Variants in WDR76 observed in about 807,000 individuals in gnomAD.
WDR76 encodes the protein WD repeat domain 76.
Under a neutral mutation model 70.2 loss-of-function variants are expected in WDR76, and 52 were observed. The observed-to-expected ratio is 0.74, with a 90% CI of 0.59 to 0.93. The LOEUF (loss-of-function observed/expected upper bound fraction) is 0.93. Among genes scored for constraint, WDR76 ranks in the 40% least tolerant of loss-of-function variants. The pLI is 0.00. For missense variants in WDR76, 756 were observed against 760.2 expected, an observed-to-expected ratio of 0.99 and a Z score of 0.07; for synonymous variants, 292 against 271.1, an observed-to-expected ratio of 1.08 and a Z score of -0.76.
At position 43,867,699 on chromosome 15, in the gene WDR76, A is replaced by T. The variant is rs967400356; in HGVS notation, c.*1307A>T. 3.9e-5 allele frequency: 6 copies of T among 152,132 alleles called. No homozygotes were observed. Among genetic ancestry groups the T allele is most frequent in the African/African-American group, 1.4e-4 (6 of 41,452 alleles). 9.4% of individuals were successfully genotyped at this position (152,132 alleles called of 1,614,324 possible). A position where few individuals can be genotyped will look rare whatever the true frequency, so the allele number is the denominator to read the frequency against. On this transcript the variant is annotated 3_prime_UTR_variant, in exon 13 of 13. Transcript: ENST00000263795. ...CCGAAGGAAATTCAATAGCCTGTTAAGTGAATACCTTCATTCTTACTTGTA... is the reference window on the plus strand; with the variant it reads ...CCGAAGGAAATTCAATAGCCTGTTATGTGAATACCTTCATTCTTACTTGTA...
intron 12 of WDR76, chr15:43,863,752 G>A (rs2088035481): frequency 6.6e-6 from 1 of 152,170 alleles, no homozygotes; most frequent in Non-Finnish European, 1.5e-5. Flanking sequence ...GTAGAGATGA[G>A]GACTTGCTGT....
intron 2 of WDR76, among the ~76,000 whole-genome samples, chr15:43,829,050 G>A (rs541629609): frequency 2.6e-5 from 4 of 151,298 alleles, no homozygotes; most frequent in South Asian, 2.1e-4. Flanking sequence ...TTACAGGCGC[G>A]TGCCACCACA....
intron 5 of WDR76, among the ~76,000 whole-genome samples, 195 bp downstream of exon 5, chr15:43,839,923 T>C (rs2087703905): frequency 6.6e-6 from 1 of 152,150 alleles, no homozygotes; most frequent in Admixed American, 6.6e-5. Context: ...AGTGGCATGA[T>C]CTTGCCTCAC....
chr15:43,865,949 T>A (rs1279649266), intron 12 of WDR76, among the ~76,000 whole-genome samples, 179 bp from the exon 13 acceptor site: 1 of 152,216 alleles, frequency 6.6e-6, no homozygotes, highest in African/African-American at 2.4e-5. Flanking sequence ...GGATATCGTC[T>A]CTGTCCAGAG....
chr15:43,829,499 CTTTTT>C (rs34835269), intron 2 of WDR76, among the ~76,000 whole-genome samples: 15 of 57,966 alleles, frequency 2.6e-4, no homozygotes, highest in African/African-American at 7.9e-4. Context: ...AGCATGGCCA[CTTTTT>C]TTTTTTTTTT....
At chr15:43,843,777 C>A in intron 7 of WDR76, 124 bp from the exon 8 acceptor site, 1 of 830,590 alleles carries the variant, frequency 1.2e-6, no homozygotes, top group Non-Finnish European at 1.7e-6. Context: ...CCTTGGTTAC[C>A]AGGAGATTGA....
chr15:43,865,751 G>A (rs1458819671), intron 12 of WDR76, among the ~76,000 whole-genome samples: 1 of 152,156 alleles, frequency 6.6e-6, no homozygotes, highest in Non-Finnish European at 1.5e-5. Context: ...CTATTCTAGG[G>A]GGTAAGAATT....
Position 43,851,122 on chromosome 15 carries a change from T to C in WDR76, c.1068T>C (p.Phe356=), listed in dbSNP as rs949632017. The C allele has an allele frequency of 6.2e-7, 1 of 1,614,210 alleles. No individual in the cohort carries two copies. Among genetic ancestry groups the C allele is most frequent in the Non-Finnish European group, 8.5e-7 (1 of 1,180,032 alleles). Residue 356 remains phenylalanine (F), a synonymous_variant, in exon 9 of 13, where the codon TTT becomes TTC. Transcript: ENST00000263795. ...QQPKEDGVYV[F]HPHSQPVSCL... ...CTAAAGAAGATGGAGTTTATGTTTTTCATCCCCATAGTCAGCCAGTTAGCT... is the reference window on the plus strand; with the variant it reads ...CTAAAGAAGATGGAGTTTATGTTTTCCATCCCCATAGTCAGCCAGTTAGCT...
At chr15:43,854,200 A>G (rs1338585980) in intron 9 of WDR76, among the ~76,000 whole-genome samples, 1 of 152,214 alleles carries the variant, frequency 6.6e-6, no homozygotes, top group African/African-American at 2.4e-5. Flanking sequence ...TCCTAGGTAT[A>G]CACCCAAGAG....
intron 2 of WDR76, among the ~76,000 whole-genome samples, chr15:43,829,499 CTTTTTTTTTT>C (rs34835269): frequency 3.5e-5 from 2 of 57,966 alleles, no homozygotes; most frequent in African/African-American, 5.7e-5. Context: ...AGCATGGCCA[CTTTTTTTTTT>C]TTTTTTTTTT....
rs1217271737 is a variant in WDR76, at chr15:43,828,031, T to C, written c.127T>C (p.Leu43=). 6.2e-7 allele frequency: 1 copy of C among 1,614,086 alleles called. No individual in the cohort carries two copies. The highest frequency in any genetic ancestry group is 2.2e-5 in the East Asian group (1 of 44,882). Residue 43 remains leucine, a synonymous_variant, in exon 2 of 13, where the codon TTA becomes CTA. Coordinates refer to ENST00000263795, the MANE Select transcript of WDR76 (RefSeq NM_024908.4). ...VSLRPAQTTV[L]IKTAKVYLAP... The stretch of plus-strand genomic sequence containing the variant: ...TCTGAGACCAGCACAGACTACAGTT[T>C]TAATAAAAACAGCTAAGGTCTATCT...
At chr15:43,858,998 G>T (rs1376702138) in intron 11 of WDR76, among the ~76,000 whole-genome samples, 175 bp downstream of exon 11, 1 of 152,182 alleles carries the variant, frequency 6.6e-6, no homozygotes, top group African/African-American at 2.4e-5. Context: ...CTTTTCAGCG[G>T]TTTTTGGGTC....
chr15:43,835,295 G>A (rs569460580), intron 3 of WDR76, 145 bp downstream of exon 3: 13 of 363,122 alleles, frequency 3.6e-5, no homozygotes, highest in African/African-American at 9.0e-5. Flanking sequence ...ACGGAGACCC[G>A]CCCCCCGCCC....
chr15:43,843,782 G>T, intron 7 of WDR76, 119 bp from the exon 8 acceptor site: 3 of 888,956 alleles, frequency 3.4e-6, no homozygotes, highest in South Asian at 4.6e-5. Flanking sequence ...GTTACCAGGA[G>T]ATTGAATAGT....
At chr15:43,844,611 C>T (rs2087764194) in intron 8 of WDR76, among the ~76,000 whole-genome samples, 1 of 121,934 alleles carries the variant, frequency 8.2e-6, no homozygotes, top group South Asian at 2.6e-4. Flanking sequence ...AAGACTCCGT[C>T]TCAAAAAAAA....
rs988695062 is a variant in WDR76 at position 43,865,987 on chromosome 15, T to G, written c.1617-141T>G. 47 of 944,912 alleles carry G rather than the reference T, an allele frequency of 5.0e-5. No individual in the cohort carries two copies. The African/African-American group carries it at 6.3e-4, about 13-fold the overall frequency. 58.5% of individuals were successfully genotyped at this position (944,912 alleles called of 1,614,324 possible). A position where few individuals can be genotyped will look rare whatever the true frequency, so the allele number is the denominator to read the frequency against. On this transcript the variant is annotated intron_variant, in intron 12 of 12. Transcript: ENST00000263795. ...TCAGTCCTGTAAGGATGAGGTAAGGTTGGTGGTAACTCAGTAACTTAATGA... is the reference window on the plus strand; with the variant it reads ...TCAGTCCTGTAAGGATGAGGTAAGGGTGGTGGTAACTCAGTAACTTAATGA...
chr15:43,836,163 T>G lies in WDR76; in HGVS notation c.555T>G (p.Ser185=). Reference sequence around the variant, plus strand: ...TACATGATTTTTATACTTTACAGTCTGCTGCAAGACTCCGTGAAATGATAG... The same window carrying G: ...TACATGATTTTTATACTTTACAGTCGGCTGCAAGACTCCGTGAAATGATAG... The part of the protein sequence containing the change: ...DFFASLQLSE[S]AARLREMIEK... The change falls in exon 4 of 13, where the codon TCT becomes TCG. Residue 185 remains serine (S), a splice_region_variant and synonymous_variant. Coordinates refer to ENST00000263795, the MANE Select transcript of WDR76 (RefSeq NM_024908.4). 4 of 1,606,142 alleles carry G rather than the reference T, an allele frequency of 2.5e-6. No homozygotes were observed. Among genetic ancestry groups the G allele is most frequent in the South Asian group, 2.3e-5 (2 of 88,724 alleles).
At chr15:43,850,533 G>A (rs1183235578) in intron 8 of WDR76, among the ~76,000 whole-genome samples, 3 of 151,976 alleles carry the variant, frequency 2.0e-5, no homozygotes, top group Non-Finnish European at 4.4e-5. Context: ...CTGACCTCGT[G>A]ATCCGCCCGC....
intron 8 of WDR76, among the ~76,000 whole-genome samples, chr15:43,847,383 C>T (rs2087802004): frequency 6.6e-6 from 1 of 151,822 alleles, no homozygotes; most frequent in African/African-American, 2.4e-5. Flanking sequence ...GCCTCAGCCT[C>T]CTGAGTAGCT....
Sources: allele counts gnomAD v4.1 joint callset (sites outside exome capture counted in the v4.1 genomes callset), GRCh38; gene constraint gnomAD v4.1.1; transcripts MANE v1.5; gene names NCBI Gene and HGNC (gene_info 2026-07-23, HGNC 2026-07-21).